Variants in CAPN2 observed in about 807,000 individuals in gnomAD.
CAPN2 encodes the protein calpain-2 catalytic subunit.
A neutral mutation model predicts 102.3 loss-of-function variants in CAPN2; 92 were observed. The ratio of observed to expected loss-of-function variants is 0.90; its 90% confidence interval spans 0.76 to 1.07. The LOEUF (loss-of-function observed/expected upper bound fraction) is 1.07, where lower values mean the gene tolerates loss of function less well. Ranked by LOEUF, CAPN2 falls within the 50% of genes least tolerant of loss-of-function variation. The probability of loss-of-function intolerance (pLI) is 0.00; values close to 1 mark genes in which losing one functional copy is unlikely to be tolerated. For missense variants in CAPN2, 800 were observed against 909.4 expected, an observed-to-expected ratio of 0.88 and a Z score of 1.55; for synonymous variants, 340 against 355.4, an observed-to-expected ratio of 0.96 and a Z score of 0.49.
chr1:223,764,612 G>A (rs1661268268), intron 15 of CAPN2, among the ~76,000 whole-genome samples: 1 of 152,134 alleles, frequency 6.6e-6, no homozygotes. Context: ...TGCCACCACA[G>A]CCAGCTGACT....
At position 223,752,160 on chromosome 1, in the gene CAPN2, G is replaced by GT. The variant is rs147048876; in HGVS notation, c.974+90dup. ...CTAATTAGAAAGAGTGTCGGCCAAA[G>GT]TGAGTTTACCATGTCGAGGACACAA... On this transcript the variant is annotated intron_variant, in intron 8 of 20. Coordinates refer to ENST00000295006, the MANE Select transcript of CAPN2 (RefSeq NM_001748.5). 3.2e-3 allele frequency: 2,927 copies of GT among 924,940 alleles called. 48 individuals carry two copies. The African/African-American group carries it at 0.043, about 14-fold the overall frequency. The allele number at this position is 924,940 out of a possible 1,614,324, so 57.3% of individuals were successfully genotyped here. A position where few individuals can be genotyped will look rare whatever the true frequency, so the allele number is the denominator to read the frequency against.
chr1:223,714,177 A>G (rs1033207045), intron 1 of CAPN2, among the ~76,000 whole-genome samples: 5 of 152,152 alleles, frequency 3.3e-5, no homozygotes, highest in Admixed American at 6.5e-5. Context: ...CATTTCCTTC[A>G]TAGCATTGTC....
At position 223,757,301 on chromosome 1, in the gene CAPN2, A is replaced by G. The variant is rs1464943247; in HGVS notation, c.1306-68A>G. ...GAGAAAACGGGGGCAGCGGAAGAGA[A>G]GAGCACAGTGATGCATTTTCTTACA... On this transcript the variant is annotated intron_variant, in intron 10 of 20. Coordinates refer to ENST00000295006, the MANE Select transcript of CAPN2 (RefSeq NM_001748.5). 6 of 1,554,622 alleles carry G rather than the reference A, an allele frequency of 3.9e-6. No individual in the cohort carries two copies. The East Asian group carries it at 6.7e-5, about 17-fold the overall frequency.
In CAPN2 at chr1:223,762,512, C is replaced by T. The variant is rs28370132; in HGVS notation, c.1632+261C>T. Among the ~76,000 whole-genome samples the T allele has an allele frequency of 2.6e-3, 389 of 152,122 alleles. 3 individuals are homozygous for T. The Middle Eastern group carries it at 0.031, about 12-fold the overall frequency. ...CCTTCCTTAGGATTCCTGGGCTCAC[C>T]TTGTGACTGTTTTATTTTCTCTGTT... On this transcript the variant is annotated intron_variant, in intron 14 of 20. Coordinates refer to ENST00000295006, the MANE Select transcript of CAPN2 (RefSeq NM_001748.5).
chr1:223,737,713 G>GGGT (rs1491173610), intron 2 of CAPN2, among the ~76,000 whole-genome samples: 1 of 38,216 alleles, frequency 2.6e-5, no homozygotes, highest in African/African-American at 9.2e-5. Flanking sequence ...GGGGCGGGGG[G>GGGT]TGGGGGGGAG....
chr1:223,730,010 CAAAAAAAA>C (rs57382658), intron 2 of CAPN2, among the ~76,000 whole-genome samples: 17 of 79,048 alleles, frequency 2.2e-4, no homozygotes, highest in Middle Eastern at 0.016. Context: ...CCCAAAAAAC[CAAAAAAAA>C]AAAAAAAAAA....
At chr1:223,734,177 C>A (rs1660395932) in intron 2 of CAPN2, among the ~76,000 whole-genome samples, 1 of 152,216 alleles carries the variant, frequency 6.6e-6, no homozygotes, top group Admixed American at 6.5e-5. Flanking sequence ...CGGCTGGAGA[C>A]CCGGTCAGGC....
chr1:223,716,936 A>G (rs1023769434), intron 1 of CAPN2, among the ~76,000 whole-genome samples: 11 of 152,170 alleles, frequency 7.2e-5, no homozygotes, highest in African/African-American at 2.7e-4. Flanking sequence ...GCATTTGATC[A>G]GTAAGTTCCA....
rs139777234 is a variant in CAPN2 at position 223,744,212 on chromosome 1, C to T, written c.420C>T (p.His140=). ...AGGAAAACTATGCAGGGATCTTTCA[C>T]TTCCAGGTAACTTAATGGTTGGCTC... The part of the protein sequence containing the change: ...SFQENYAGIF[H]FQFWQYGEWV... The change falls in exon 3 of 21, where the codon CAC becomes CAT. Residue 140 remains histidine (H), a synonymous_variant. Coordinates refer to ENST00000295006, the MANE Select transcript of CAPN2 (RefSeq NM_001748.5). 1.2e-6 allele frequency: 2 copies of T among 1,605,052 alleles called. No homozygotes were observed. The highest frequency in any genetic ancestry group is 1.7e-6 in the Non-Finnish European group (2 of 1,171,694).
At chr1:223,722,082 G>T (rs1038067294) in intron 2 of CAPN2, among the ~76,000 whole-genome samples, 1 of 151,996 alleles carries the variant, frequency 6.6e-6, no homozygotes, top group Non-Finnish European at 1.5e-5. Flanking sequence ...ATAATCTAAG[G>T]GTGGAAATGC....
intron 19 of CAPN2, 102 bp from the exon 20 acceptor site, chr1:223,772,079 C>T (rs1661491695): frequency 8.5e-7 from 1 of 1,182,128 alleles, no homozygotes; most frequent in African/African-American, 1.5e-5. Context: ...AGGAAGAAAG[C>T]ATGTATGGTG....
At chr1:223,702,039 GA>G (rs1659485437) in intron 1 of CAPN2, among the ~76,000 whole-genome samples, 1 of 87,610 alleles carries the variant, frequency 1.1e-5, no homozygotes, top group Non-Finnish European at 2.3e-5. Flanking sequence ...GGAAGGGAGG[GA>G]GGGAGGGAAG....
chr1:223,709,330 A>T (rs1659679613), upstream of CAPN2, among the ~76,000 whole-genome samples: 2 of 152,200 alleles, frequency 1.3e-5, no homozygotes, highest in South Asian at 4.1e-4. Context: ...AGGTAACATC[A>T]TGGCTCTCAT....
intron 2 of CAPN2, among the ~76,000 whole-genome samples, chr1:223,723,777 C>T (rs1008725704): frequency 6.6e-6 from 1 of 151,748 alleles, no homozygotes; most frequent in South Asian, 2.1e-4. Flanking sequence ...TCTCCAGCTA[C>T]ATCAGATGCC....
At chr1:223,771,551 T>C in intron 18 of CAPN2, 2 of 421,652 alleles carry the variant, frequency 4.7e-6, no homozygotes, top group Non-Finnish European at 8.5e-6. Flanking sequence ...ACTGTGACCA[T>C]GAGAACAGAA....
intron 2 of CAPN2, among the ~76,000 whole-genome samples, chr1:223,730,312 T>A (rs1660305708): frequency 6.8e-6 from 1 of 147,924 alleles, no homozygotes; most frequent in African/African-American, 2.5e-5. Flanking sequence ...CAACACAAAT[T>A]TGTGAACTTT....
chr1:223,726,549 C>G lies in CAPN2; in HGVS notation c.307+8718C>G, dbSNP rs899684941. Among the ~76,000 whole-genome samples the G allele has an allele frequency of 2.0e-5, 3 of 152,258 alleles. No homozygotes were observed. Among genetic ancestry groups the G allele is most frequent in the Middle Eastern group, 3.4e-3 (1 of 294 alleles). ...AGAGAGAGGAAGAGTGAATGTCAAG[C>G]CCCAGCACCCTCGCCTCCCTCCCAT... On this transcript the variant is annotated intron_variant, in intron 2 of 20. Coordinates refer to ENST00000295006, the MANE Select transcript of CAPN2 (RefSeq NM_001748.5). The surrounding 1 kb of genome is among the most constrained non-coding windows in gnomAD (Gnocchi z 4.4).
At chr1:223,742,500 A>ATC (rs1558068526) in intron 2 of CAPN2, among the ~76,000 whole-genome samples, 1 of 92,286 alleles carries the variant, frequency 1.1e-5, no homozygotes, top group African/African-American at 4.7e-5. Flanking sequence ...ATATGTGTGT[A>ATC]TATATATATA....
chr1:223,712,946 G>C (rs1418473381), intron 1 of CAPN2, 69 bp downstream of exon 1: 13 of 1,136,728 alleles, frequency 1.1e-5, no homozygotes, highest in Non-Finnish European at 1.4e-5. Flanking sequence ...GCCGGCCCGC[G>C]GCGCGCTGGG....
Sources: allele counts gnomAD v4.1 joint callset (sites outside exome capture counted in the v4.1 genomes callset), GRCh38; gene constraint gnomAD v4.1.1; non-coding constraint Gnocchi (gnomAD v3.1); transcripts MANE v1.5; gene names NCBI Gene and HGNC (gene_info 2026-07-23, HGNC 2026-07-21).